The following SETX variants were observed in gnomAD, a reference collection of about 807,000 sequenced individuals.
SETX encodes the protein senataxin, also known as helicase senataxin.
SETX carries 90 observed loss-of-function variants against 227.2 expected under a neutral mutation model. The observed-to-expected ratio is 0.40, with a 90% CI of 0.33 to 0.47. The LOEUF (loss-of-function observed/expected upper bound fraction) is 0.47, where lower values mean the gene tolerates loss of function less well. Among genes scored for constraint, SETX ranks in the 20% least tolerant of loss-of-function variants. The probability of loss-of-function intolerance (pLI) is 0.91; values close to 1 mark genes in which losing one functional copy is unlikely to be tolerated. For synonymous variants in SETX, 1,210 were observed against 1,113.2 expected, an observed-to-expected ratio of 1.09 and a Z score of -1.73; for missense variants, 3,052 against 3,181.5, an observed-to-expected ratio of 0.96 and a Z score of 0.98.
At chr9:132,347,396 T>C (rs1004115515) in intron 3 of SETX, among the ~76,000 whole-genome samples, 1 of 151,796 alleles carries the variant, frequency 6.6e-6, no homozygotes, top group East Asian at 2.0e-4. Flanking sequence ...CACCGCAACC[T>C]TGGCCTCCCA....
At chr9:132,331,763 A>G (rs1286658498) in intron 7 of SETX, among the ~76,000 whole-genome samples, 1 of 152,188 alleles carries the variant, frequency 6.6e-6, no homozygotes, top group Non-Finnish European at 1.5e-5. Flanking sequence ...CCTGTTTGCC[A>G]TACCAGAAAC....
intron 1 of SETX, among the ~76,000 whole-genome samples, chr9:132,354,334 ATT>A (rs1848771164): frequency 6.6e-6 from 1 of 151,770 alleles, no homozygotes. Flanking sequence ...TCTGCAACAC[ATT>A]TTGTTTTTAA....
chr9:132,282,899 T>G, intron 19 of SETX: 1 of 321,158 alleles, frequency 3.1e-6, no homozygotes, highest in Non-Finnish European at 6.1e-6. Context: ...GCTCAAAGAG[T>G]GAACTAGGAA....
At chr9:132,294,367 CTAAAT>C (rs1382858765) in intron 15 of SETX, among the ~76,000 whole-genome samples, 4 of 152,140 alleles carry the variant, frequency 2.6e-5, no homozygotes, top group African/African-American at 9.7e-5. Flanking sequence ...TGAAAAGAAA[CTAAAT>C]TATCAATGAA....
chr9:132,289,732 G>C (rs1844175584), intron 15 of SETX, among the ~76,000 whole-genome samples: 2 of 152,084 alleles, frequency 1.3e-5, no homozygotes, highest in Non-Finnish European at 2.9e-5. Context: ...TAGAAACTAA[G>C]GGACACAAGA....
intron 2 of SETX, among the ~76,000 whole-genome samples, chr9:132,351,249 G>T (rs73548799): frequency 0.073 from 11,028 of 152,060 alleles, 553 homozygotes; most frequent in East Asian, 0.24. Context: ...AACATTTGAA[G>T]CATGATTTCA....
intron 10 of SETX, among the ~76,000 whole-genome samples, chr9:132,320,183 G>A (rs1846230324): frequency 6.6e-6 from 1 of 152,060 alleles, no homozygotes; most frequent in Non-Finnish European, 1.5e-5. Flanking sequence ...ATAATTCTAC[G>A]TAATGTCACT....
At chr9:132,318,205 C>G (rs1475724552) in intron 10 of SETX, among the ~76,000 whole-genome samples, 1 of 152,176 alleles carries the variant, frequency 6.6e-6, no homozygotes, top group Non-Finnish European at 1.5e-5. Flanking sequence ...CCAACTAGCT[C>G]CTGTTTGTTG....
In SETX at chr9:132,288,569, G is replaced by C; in HGVS notation, c.6189C>G (p.Ser2063Arg). The C allele has an allele frequency of 6.2e-7, 1 of 1,612,988 alleles. No homozygotes were observed. Among genetic ancestry groups the C allele is most frequent in the Non-Finnish European group, 8.5e-7 (1 of 1,179,166 alleles). Reference protein sequence around the residue: ...NSEVLKFSLDSQVNHRMKKEL... With the variant: ...NSEVLKFSLDRQVNHRMKKEL... ...ACTTACTCATTCTGTGGTTTACTTG[G>C]CTGTCCAAACTGAACTTTAGAACCT... Residue 2063 changes from serine (S) to arginine (R), a missense_variant, in exon 16 of 26, where the codon AGC becomes AGG. Physicochemically the swap from Ser to Arg is moderately radical, Grantham distance 110. Around this residue, in one of 10 missense-constraint regions of SETX, gnomAD observed 412 missense variants for 589.0 expected, o/e 0.70. Transcript: ENST00000224140.
At chr9:132,308,806 A>G (rs1845479934) in intron 11 of SETX, among the ~76,000 whole-genome samples, 1 of 152,210 alleles carries the variant, frequency 6.6e-6, no homozygotes, top group African/African-American at 2.4e-5. Context: ...TAAAATTTAT[A>G]TGGAAATGCA....
chr9:132,326,511 G>A lies in SETX; in HGVS notation c.5087C>T (p.Ser1696Phe). ...CTCTTTAACGAAGGTGTCAGAGACA[G>A]ACTGTGATGACAAAAGAATGTTTAC... Reference protein sequence around the residue: ...SPVNILLSSQSVSDTFVKEVL... With the variant: ...SPVNILLSSQFVSDTFVKEVL... Residue 1696 changes from serine (S) to phenylalanine (F), a missense_variant, in exon 10 of 26, where the codon TCT (serine) becomes TTT (phenylalanine). Around this residue, in one of 10 missense-constraint regions of SETX, gnomAD observed 1,483 missense variants for 1,312.0 expected, o/e 1.13. Transcript: ENST00000224140. The A allele has an allele frequency of 6.2e-7, 1 of 1,614,202 alleles. No individual in the cohort carries two copies. Among genetic ancestry groups the A allele is most frequent in the Non-Finnish European group, 8.5e-7 (1 of 1,180,030 alleles).
intron 2 of SETX, among the ~76,000 whole-genome samples, 156 bp from the exon 3 acceptor site, chr9:132,349,591 A>G (rs1441528618): frequency 1.3e-5 from 2 of 152,224 alleles, no homozygotes; most frequent in East Asian, 1.9e-4. Flanking sequence ...TCACTGATTC[A>G]CTAAACTAAA....
chr9:132,341,649 T>C (rs1338277881), intron 5 of SETX, among the ~76,000 whole-genome samples: 1 of 151,048 alleles, frequency 6.6e-6, no homozygotes, highest in Admixed American at 6.6e-5. Flanking sequence ...TTCCTCCATA[T>C]GTAAACAGCT....
chr9:132,347,179 G>C (rs1165223546), intron 3 of SETX, among the ~76,000 whole-genome samples: 1 of 151,678 alleles, frequency 6.6e-6, no homozygotes, highest in African/African-American at 2.4e-5. Flanking sequence ...TTGAACCCAG[G>C]AGGCGGAGGT....
Position 132,329,056 on chromosome 9 carries a change from C to T in SETX, c.2542G>A (p.Val848Ile), listed in dbSNP as rs769052838. 6.2e-7 allele frequency: 1 copy of T among 1,609,554 alleles called. No homozygotes were observed. The highest frequency in any genetic ancestry group is 2.2e-5 in the East Asian group (1 of 44,850). ...IHNLSLDPSG[V>I]LDDKNGEQKS... ...TGTTCTCCATTCTTATCATCCAGAA[C>T]ACCACTAGGGTCTAAAGAAAGATTG... Residue 848 changes from valine (V) to isoleucine (I), a missense_variant, in exon 10 of 26, where the codon GTT (valine) becomes ATT (isoleucine). Transcript: ENST00000224140.
Position 132,328,640 on chromosome 9 carries a change from C to T in SETX, c.2958G>A (p.Gln986=), listed in dbSNP as rs969060686. Residue 986 remains glutamine, a synonymous_variant, in exon 10 of 26, where the codon CAG becomes CAA. Coordinates refer to ENST00000224140, the MANE Select transcript of SETX (RefSeq NM_015046.7). The stretch of plus-strand genomic sequence containing the variant: ...TATCTTCTTTTACTTTCCTTTGCAG[C>T]TGCGATGAGTTCTGAGGTGAATCGG... ...FPSDSPQNSS[Q]LQRKVKEDKR... The T allele has an allele frequency of 6.2e-7, 1 of 1,613,012 alleles. No individual in the cohort carries two copies. Among genetic ancestry groups the T allele is most frequent in the Non-Finnish European group, 8.5e-7 (1 of 1,179,554 alleles).
intron 13 of SETX, among the ~76,000 whole-genome samples, chr9:132,297,669 T>C (rs1589670807): frequency 6.6e-6 from 1 of 152,268 alleles, no homozygotes; most frequent in Non-Finnish European, 1.5e-5. Context: ...AGTTTCCTTT[T>C]GCATTTCTCT....
Position 132,266,842 on chromosome 9 carries a change from G to A in SETX, c.7288-1857C>T, listed in dbSNP as rs1012430591. Among the ~76,000 whole-genome samples, 16 of 152,206 alleles carry A rather than the reference G, an allele frequency of 1.1e-4. No homozygotes were observed. In the East Asian group the frequency reaches 1.5e-3, roughly 15 times the overall value. The stretch of plus-strand genomic sequence containing the variant: ...TCTAAGAAATCCTGGAGACAATGGT[G>A]TAACTCTTAGCAAATGCTAAATTGC... On this transcript the variant is annotated intron_variant, in intron 25 of 25. Transcript: ENST00000224140.
rs1380191816 is a variant in SETX, at chr9:132,334,716, A to G, written c.730T>C (p.Leu244=). The change falls in exon 7 of 26, where the codon TTG becomes CTG. Residue 244 remains leucine, a synonymous_variant. Transcript: ENST00000224140. The part of the protein sequence containing the change: ...YKSYWLGICM[L]LTILEEQAMD... The stretch of plus-strand genomic sequence containing the variant: ...GCTTGTTCCTCAAGAATGGTCAGCA[A>G]CATGCAAATACCTGTAAGATCATTT... The G allele has an allele frequency of 1.9e-6, 3 of 1,614,130 alleles. No homozygotes were observed. Among genetic ancestry groups the G allele is most frequent in the Non-Finnish European group, 2.5e-6 (3 of 1,179,972 alleles).
Sources: gnomAD v4.1 joint callset for allele counts (sites outside exome capture counted in the v4.1 genomes callset) on GRCh38, gnomAD v4.1.1 for gene constraint, gnomAD v4.1.1 regional missense constraint, MANE v1.5 for transcripts, NCBI Gene and HGNC (gene_info 2026-07-23, HGNC 2026-07-21) for gene names.